CMSS1: variants seen among roughly 807,000 people sequenced by gnomAD.
CMSS1 encodes protein CMSS1.
In CMSS1, 33 loss-of-function variants were observed where a neutral mutation model predicts 43.5. That is an observed-to-expected ratio of 0.76 (90% confidence interval 0.57 to 1.01). The LOEUF is 1.01. Ranked by LOEUF, CMSS1 falls within the 50% of genes least tolerant of loss-of-function variation. The probability of loss-of-function intolerance (pLI) is 0.00; values close to 1 mark genes in which losing one functional copy is unlikely to be tolerated. For synonymous variants in CMSS1, 115 were observed against 117.2 expected (o/e 0.98, Z 0.12); for missense variants, 313 against 326.4 (o/e 0.96, Z 0.32).
At chr3:99,963,956 G>A (rs561427411) in intron 1 of CMSS1, among the ~76,000 whole-genome samples, 2 of 152,236 alleles carry the variant, frequency 1.3e-5, no homozygotes, top group East Asian at 1.9e-4. Context: ...GTGTCATAAC[G>A]AAAATGATCA....
At chr3:99,866,896 T>C (rs763621746) in intron 1 of CMSS1, among the ~76,000 whole-genome samples, 5 of 152,238 alleles carry the variant, frequency 3.3e-5, no homozygotes, top group Admixed American at 6.5e-5. Flanking sequence ...TTGCTTGTCC[T>C]CTTGCATGCT....
At chr3:99,833,091 C>T (rs1240162569) in intron 1 of CMSS1, 3 of 704,204 alleles carry the variant, frequency 4.3e-6, no homozygotes, top group Non-Finnish European at 7.5e-6. Context: ...TCCTGGGTTT[C>T]ATCAAAGAGC....
intron 1 of CMSS1, among the ~76,000 whole-genome samples, chr3:100,038,320 GTC>G (rs2065145306): frequency 6.6e-6 from 1 of 152,136 alleles, no homozygotes; most frequent in Non-Finnish European, 1.5e-5. Context: ...GAAGTAATGA[GTC>G]TATTATTTTG....
intron 1 of CMSS1, among the ~76,000 whole-genome samples, chr3:99,974,530 A>G (rs182054921): frequency 4.3e-4 from 65 of 152,086 alleles, no homozygotes; most frequent in African/African-American, 1.4e-3. Context: ...ACCAACATGG[A>G]GAAACCCCGT....
intron 1 of CMSS1, among the ~76,000 whole-genome samples, chr3:99,936,071 A>G (rs1464865192): frequency 2.6e-5 from 4 of 152,166 alleles, no homozygotes; most frequent in Non-Finnish European, 1.5e-5. Context: ...CTACTTAGAC[A>G]TACTTTTTAG....
intron 1 of CMSS1, among the ~76,000 whole-genome samples, chr3:100,123,538 G>A (rs1366764975): frequency 2.0e-5 from 3 of 152,148 alleles, no homozygotes; most frequent in Non-Finnish European, 2.9e-5. Context: ...TTTGGCTCTC[G>A]TATGGAGAAT....
chr3:99,843,376 T>TC (rs1318381725), intron 1 of CMSS1, among the ~76,000 whole-genome samples: 1 of 152,292 alleles, frequency 6.6e-6, no homozygotes, highest in African/African-American at 2.4e-5. Flanking sequence ...TATTGAGCTT[T>TC]CCTTTTAAAT....
intron 1 of CMSS1, among the ~76,000 whole-genome samples, chr3:99,970,377 C>T (rs1708777840): frequency 6.6e-6 from 1 of 152,240 alleles, no homozygotes; most frequent in Admixed American, 6.5e-5. Flanking sequence ...CCAAACTCCT[C>T]TTAAGCATGT....
chr3:99,971,307 A>T (rs967031693), intron 1 of CMSS1, among the ~76,000 whole-genome samples: 8 of 147,280 alleles, frequency 5.4e-5, no homozygotes, highest in Non-Finnish European at 8.9e-5. Context: ...GCCACTGCCC[A>T]CCAGCCTGGG....
At chr3:99,851,488 C>T (rs935869029) in intron 1 of CMSS1, among the ~76,000 whole-genome samples, 1 of 152,146 alleles carries the variant, frequency 6.6e-6, no homozygotes, top group Non-Finnish European at 1.5e-5. Flanking sequence ...CATCTCTGAG[C>T]CTCAATTTCC....
chr3:100,133,200 T>C (rs2066723863), intron 1 of CMSS1, among the ~76,000 whole-genome samples: 1 of 152,164 alleles, frequency 6.6e-6, no homozygotes, highest in Non-Finnish European at 1.5e-5. Context: ...AAGAAATATA[T>C]TGTAGACAAA....
At chr3:99,991,515 C>G (rs1161425209) in intron 1 of CMSS1, among the ~76,000 whole-genome samples, 1 of 151,934 alleles carries the variant, frequency 6.6e-6, no homozygotes, top group Non-Finnish European at 1.5e-5. Context: ...TATATTGCAT[C>G]ATGGTCAAGT....
At chr3:100,121,239 C>T (rs930734463) in intron 1 of CMSS1, among the ~76,000 whole-genome samples, 1 of 151,836 alleles carries the variant, frequency 6.6e-6, no homozygotes, top group Non-Finnish European at 1.5e-5. Flanking sequence ...TTATCCCTCC[C>T]CTAGCCCCCC....
chr3:99,826,857 T>C (rs765275935), intron 1 of CMSS1, among the ~76,000 whole-genome samples: 28 of 152,344 alleles, frequency 1.8e-4, no homozygotes, highest in Non-Finnish European at 3.2e-4. Context: ...GTTTTTAACA[T>C]TTTTGTTACA....
At chr3:100,159,753 A>T (rs2067006785) in intron 2 of CMSS1, 1 of 269,440 alleles carries the variant, frequency 3.7e-6, no homozygotes, top group South Asian at 3.9e-5. Context: ...AAAAGCCCTC[A>T]GGGTAAAAAT....
At chr3:100,166,048 A>G (rs1248843736) in intron 4 of CMSS1, among the ~76,000 whole-genome samples, 1 of 152,140 alleles carries the variant, frequency 6.6e-6, no homozygotes, top group African/African-American at 2.4e-5. Context: ...TGTAGTCCCT[A>G]TTTTATGGAT....
intron 1 of CMSS1, among the ~76,000 whole-genome samples, chr3:99,855,746 T>C (rs1358254723): frequency 6.6e-6 from 1 of 152,240 alleles, no homozygotes. Context: ...TAAATGTTTG[T>C]TCTTATATCT....
rs567545574 is a variant in CMSS1 at position 99,871,687 on chromosome 3, A to G, written c.64+53644A>G. On this transcript the variant is annotated intron_variant, in intron 1 of 9. Transcript: ENST00000421999. Reference sequence around the variant, plus strand: ...TCCTGCTAGCTGCGGACGTCTGAGGAGTGCAAAATGCTTAGCTGGAAGATA... The same window carrying G: ...TCCTGCTAGCTGCGGACGTCTGAGGGGTGCAAAATGCTTAGCTGGAAGATA... 2.6e-5 allele frequency among the ~76,000 whole-genome samples: 4 copies of G among 152,238 alleles called. 1 individual carries two copies. In the South Asian group the frequency reaches 8.3e-4, roughly 32 times the overall value.
At chr3:99,862,733 C>A (rs972864928) in intron 1 of CMSS1, among the ~76,000 whole-genome samples, 22 of 152,134 alleles carry the variant, frequency 1.4e-4, no homozygotes, top group African/African-American at 4.8e-4. Context: ...CTGTTAGATT[C>A]TTTGTGTTCG....
Sources: allele counts gnomAD v4.1 joint callset (sites outside exome capture counted in the v4.1 genomes callset), GRCh38; gene constraint gnomAD v4.1.1; transcripts MANE v1.5; gene names NCBI Gene and HGNC (gene_info 2026-07-23, HGNC 2026-07-21).